The following GATAD2B variants were observed in gnomAD, a reference collection of about 807,000 sequenced individuals.
GATAD2B encodes the protein GATA zinc finger domain containing 2B, also known as transcriptional repressor p66-beta.
GATAD2B carries 8 observed loss-of-function variants against 64.3 expected under a neutral mutation model. The observed-to-expected ratio is 0.12, with a 90% CI of 0.07 to 0.22. The LOEUF (loss-of-function observed/expected upper bound fraction) is 0.22. Ranked by LOEUF, GATAD2B falls within the 10% of genes least tolerant of loss-of-function variation. The pLI is 1.00. For missense variants in GATAD2B, 453 were observed against 752.0 expected (o/e 0.60, Z 4.65); for synonymous variants, 281 against 271.3 (o/e 1.04, Z -0.35).
intron 2 of GATAD2B, among the ~76,000 whole-genome samples, chr1:153,820,098 CAAAAAAA>C (rs201426841): frequency 0.12 from 7,800 of 63,192 alleles, 347 homozygotes; most frequent in South Asian, 0.32. Flanking sequence ...GTTCCCGTCT[CAAAAAAA>C]AAAAAAAAAA....
intron 1 of GATAD2B, chr1:153,852,700 T>A: frequency 1.1e-6 from 1 of 928,208 alleles, no homozygotes; most frequent in South Asian, 1.3e-5. Context: ...TTAACCCTGC[T>A]GAGAGCCTGC....
At chr1:153,870,909 G>C (rs187303965) in intron 1 of GATAD2B, among the ~76,000 whole-genome samples, 5 of 152,204 alleles carry the variant, frequency 3.3e-5, no homozygotes, top group Non-Finnish European at 7.4e-5. Flanking sequence ...ATACTAGAGA[G>C]AGGTTTTTTT....
intron 1 of GATAD2B, among the ~76,000 whole-genome samples, chr1:153,840,588 C>T (rs1264894108): frequency 6.6e-6 from 1 of 152,170 alleles, no homozygotes; most frequent in Non-Finnish European, 1.5e-5. Context: ...CCACCCGCCT[C>T]AGCCTCCCAA....
At chr1:153,904,789 C>T (rs1401594691) in intron 1 of GATAD2B, among the ~76,000 whole-genome samples, 3 of 152,086 alleles carry the variant, frequency 2.0e-5, no homozygotes, top group Non-Finnish European at 4.4e-5. Context: ...TCACTGCAAT[C>T]TCCGCCTCCC....
intron 1 of GATAD2B, among the ~76,000 whole-genome samples, chr1:153,921,194 G>A (rs1343772493): frequency 2.0e-5 from 3 of 152,160 alleles, no homozygotes; most frequent in Admixed American, 2.0e-4. Context: ...AAGCAATAAA[G>A]TTAGCACTAA....
chr1:153,824,820 A>T (rs1674813881), intron 2 of GATAD2B, among the ~76,000 whole-genome samples: 1 of 152,038 alleles, frequency 6.6e-6, no homozygotes, highest in African/African-American at 2.4e-5. Context: ...ATGGTGGCTC[A>T]TGCCTGTATT....
chr1:153,822,522 T>C (rs1340934531), intron 2 of GATAD2B, among the ~76,000 whole-genome samples: 1 of 151,960 alleles, frequency 6.6e-6, no homozygotes, highest in African/African-American at 2.4e-5. Context: ...GCCTCTCTGT[T>C]TTTCTTTTGA....
intron 1 of GATAD2B, among the ~76,000 whole-genome samples, chr1:153,896,058 G>A (rs952355563): frequency 2.6e-5 from 4 of 151,842 alleles, no homozygotes; most frequent in Non-Finnish European, 5.9e-5. Flanking sequence ...AGCTCCTCAG[G>A]AGGAAGTGGG....
At chr1:153,829,255 C>T (rs1674994247) in intron 1 of GATAD2B, among the ~76,000 whole-genome samples, 1 of 152,068 alleles carries the variant, frequency 6.6e-6, no homozygotes, top group Non-Finnish European at 1.5e-5. Context: ...TAGATTTTCT[C>T]CAACACTTTC....
intron 1 of GATAD2B, among the ~76,000 whole-genome samples, chr1:153,915,480 G>C (rs1009821325): frequency 2.6e-5 from 4 of 151,980 alleles, no homozygotes; most frequent in African/African-American, 9.7e-5. Context: ...AGAAGAAAAT[G>C]TATCTAACTC....
chr1:153,847,409 G>C (rs765984350), intron 1 of GATAD2B, among the ~76,000 whole-genome samples: 1 of 152,090 alleles, frequency 6.6e-6, no homozygotes, highest in Non-Finnish European at 1.5e-5. Context: ...TTTTGAGATG[G>C]AGTCTCCCTC....
rs1675249893 is a variant in GATAD2B at position 153,836,019 on chromosome 1, G to C, written c.-1-7671C>G. ...ATTACAGGCGTGAGCCACTGCGTCT[G>C]GCCTAAACATAACTTTTATATACAC... On this transcript the variant is annotated intron_variant, in intron 1 of 10. Transcript: ENST00000368655. 2.6e-5 allele frequency among the ~76,000 whole-genome samples: 4 copies of C among 151,168 alleles called. No individual in the cohort carries two copies. The South Asian group carries it at 8.4e-4, about 32-fold the overall frequency.
At chr1:153,823,650 C>T (rs562198726) in intron 2 of GATAD2B, among the ~76,000 whole-genome samples, 2 of 150,568 alleles carry the variant, frequency 1.3e-5, no homozygotes, top group East Asian at 4.0e-4. Flanking sequence ...GCACCCAGCC[C>T]TTTCCTCTTT....
chr1:153,891,556 G>A (rs1304958706), intron 1 of GATAD2B, among the ~76,000 whole-genome samples: 1 of 91,558 alleles, frequency 1.1e-5, no homozygotes, highest in Non-Finnish European at 2.1e-5. Context: ...GGCAACAAAA[G>A]TGAAACTCTG....
rs114424888 is a variant in GATAD2B at position 153,880,912 on chromosome 1, T to C, written c.-2+41821A>G. Reference sequence around the variant, plus strand: ...TACTAGGAACATGGTCAATAACACTTGCACACAGAAGCTCTCTCGTTTTGC... The same window carrying C: ...TACTAGGAACATGGTCAATAACACTCGCACACAGAAGCTCTCTCGTTTTGC... On this transcript the variant is annotated intron_variant, in intron 1 of 10. Coordinates refer to ENST00000368655, the MANE Select transcript of GATAD2B (RefSeq NM_020699.4). Among the ~76,000 whole-genome samples the C allele has an allele frequency of 3.3e-3, 502 of 152,208 alleles. 6 individuals carry two copies. Among genetic ancestry groups the C allele is most frequent in the African/African-American group, 0.011 (474 of 41,550 alleles).
At chr1:153,854,728 AT>A (rs1676023059) in intron 1 of GATAD2B, among the ~76,000 whole-genome samples, 1 of 152,212 alleles carries the variant, frequency 6.6e-6, no homozygotes. Context: ...TTTAACATTT[AT>A]TTTCATAAGA....
intron 1 of GATAD2B, among the ~76,000 whole-genome samples, chr1:153,869,834 A>T (rs1676602555): frequency 2.6e-5 from 4 of 152,158 alleles, no homozygotes; most frequent in South Asian, 2.1e-4. Context: ...CTCATCAGAA[A>T]ATCCAAATTG....
intron 1 of GATAD2B, among the ~76,000 whole-genome samples, chr1:153,893,955 TAAAAAAA>T (rs57287798): frequency 8.7e-5 from 6 of 68,626 alleles, no homozygotes; most frequent in East Asian, 8.6e-4. Context: ...AGACTCCATC[TAAAAAAA>T]AAAAAAAAAA....
rs1203793870 is a variant in GATAD2B at position 153,813,314 on chromosome 1, G to A, written c.1355C>T (p.Ala452Val). The change falls in exon 8 of 11, where the codon GCT becomes GTT. Residue 452 changes from alanine (A) to valine (V), a missense_variant. Physicochemically the swap from Ala to Val is moderately conservative, Grantham distance 64 (BLOSUM62 0). Coordinates refer to ENST00000368655, the MANE Select transcript of GATAD2B (RefSeq NM_020699.4). ...EQCMTSNQKK[A>V]LKAEHTNRLK... ...CCGGTTGGTGTGTTCAGCTTTTAGA[G>A]CCTTTTTCTGGTTGGAGGTCATACA... 5 of 1,614,052 alleles carry A rather than the reference G, an allele frequency of 3.1e-6. No individual in the cohort carries two copies. The highest frequency in any genetic ancestry group is 3.3e-5 in the Admixed American group (2 of 60,002).
Sources: gnomAD v4.1 joint callset for allele counts (sites outside exome capture counted in the v4.1 genomes callset) on GRCh38, gnomAD v4.1.1 for gene constraint, MANE v1.5 for transcripts, NCBI Gene and HGNC (gene_info 2026-07-23, HGNC 2026-07-21) for gene names.